Variants in GPR158 observed in about 807,000 individuals in gnomAD.
GPR158 encodes the protein G protein-coupled receptor 158.
A neutral mutation model predicts 78.2 loss-of-function variants in GPR158; 30 were observed. That is an observed-to-expected ratio of 0.38 (90% confidence interval 0.29 to 0.52). GPR158 has a LOEUF of 0.52. Ranked by LOEUF, GPR158 falls within the 20% of genes least tolerant of loss-of-function variation. GPR158 has a pLI of 0.83. For missense variants in GPR158, 1,463 were observed against 1,523.5 expected, an observed-to-expected ratio of 0.96 and a Z score of 0.66; for synonymous variants, 581 against 591.1, an observed-to-expected ratio of 0.98 and a Z score of 0.25.
At chr10:25,576,782 A>G (rs768562311) in intron 7 of GPR158, among the ~76,000 whole-genome samples, 1 of 152,148 alleles carries the variant, frequency 6.6e-6, no homozygotes, top group Non-Finnish European at 1.5e-5. Context: ...TAATACCCCT[A>G]AAGGTGTTAG....
chr10:25,258,744 A>G (rs973114625), intron 2 of GPR158, among the ~76,000 whole-genome samples: 11 of 152,136 alleles, frequency 7.2e-5, no homozygotes, highest in Admixed American at 5.2e-4. Flanking sequence ...ATAGTTAACT[A>G]TTGAACAATG....
intron 1 of GPR158, among the ~76,000 whole-genome samples, chr10:25,204,518 G>A (rs549439922): frequency 7.2e-5 from 11 of 152,212 alleles, no homozygotes; most frequent in Admixed American, 6.5e-4. Context: ...TAATTATGTG[G>A]TTTCTGTTTT....
chr10:25,588,083 A>G (rs768043387), intron 7 of GPR158, among the ~76,000 whole-genome samples: 11 of 152,232 alleles, frequency 7.2e-5, no homozygotes, highest in Non-Finnish European at 1.0e-4. Context: ...TAGTTTGGGG[A>G]AAAAAGTCAA....
intron 4 of GPR158, among the ~76,000 whole-genome samples, chr10:25,428,491 G>A (rs1391937151): frequency 6.6e-6 from 1 of 151,968 alleles, no homozygotes; most frequent in East Asian, 1.9e-4. Flanking sequence ...ACTCTTCTAA[G>A]GGGTCCAAGA....
In GPR158 at chr10:25,206,279, G is replaced by A. The variant is rs918883918; in HGVS notation, c.903-14773G>A. Among the ~76,000 whole-genome samples, 14 of 152,190 alleles carry A rather than the reference G, an allele frequency of 9.2e-5. No homozygotes were observed. The East Asian group carries it at 1.2e-3, about 13-fold the overall frequency. On this transcript the variant is annotated intron_variant, in intron 1 of 10. Transcript: ENST00000376351. ...TGGGATTACAGGCGTGAGCCACCGC[G>A]CCCGGCCCAGATATGGGTTCTTAAA...
chr10:25,388,100 T>C (rs1009425088), intron 2 of GPR158, among the ~76,000 whole-genome samples: 2 of 152,224 alleles, frequency 1.3e-5, no homozygotes, highest in African/African-American at 4.8e-5. Context: ...CTGGATTTGA[T>C]TGTGAGTTCT....
chr10:25,347,410 TTCTA>T (rs1348930196), intron 2 of GPR158, among the ~76,000 whole-genome samples: 1 of 152,014 alleles, frequency 6.6e-6, no homozygotes, highest in African/African-American at 2.4e-5. Flanking sequence ...CTTAATTCAG[TTCTA>T]TCTGTCAACT....
chr10:25,448,971 A>T (rs902126846), intron 4 of GPR158, among the ~76,000 whole-genome samples: 9 of 152,198 alleles, frequency 5.9e-5, no homozygotes, highest in African/African-American at 2.2e-4. Flanking sequence ...GGTGTTTAAA[A>T]TATTTAATAT....
intron 6 of GPR158, among the ~76,000 whole-genome samples, chr10:25,555,760 C>CTT (rs201666919): frequency 1.3e-5 from 2 of 150,740 alleles, no homozygotes; most frequent in African/African-American, 4.9e-5. Flanking sequence ...AAACAAAATA[C>CTT]TTTTTTTTTG....
intron 1 of GPR158, among the ~76,000 whole-genome samples, chr10:25,216,198 T>G (rs2765706): frequency 0.079 from 11,983 of 152,254 alleles, 706 homozygotes; most frequent in East Asian, 0.25. Context: ...TTGTCTATTG[T>G]TAGAAGTGAA....
intron 2 of GPR158, among the ~76,000 whole-genome samples, chr10:25,335,786 T>C (rs1855190637): frequency 6.6e-6 from 1 of 152,100 alleles, no homozygotes; most frequent in Non-Finnish European, 1.5e-5. Context: ...ATCCTTGATA[T>C]GCACCATATT....
intron 4 of GPR158, among the ~76,000 whole-genome samples, chr10:25,440,256 C>T: frequency 6.6e-6 from 1 of 152,182 alleles, no homozygotes; most frequent in East Asian, 1.9e-4. Flanking sequence ...GGGCCTGGGC[C>T]ACTGACTTCA....
At chr10:25,453,802 T>G (rs1380650592) in intron 4 of GPR158, among the ~76,000 whole-genome samples, 1 of 152,240 alleles carries the variant, frequency 6.6e-6, no homozygotes, top group Non-Finnish European at 1.5e-5. Context: ...CTGGTTTTTA[T>G]GCCAGTGCCA....
At chr10:25,374,426 A>C (rs752430307) in intron 2 of GPR158, among the ~76,000 whole-genome samples, 2 of 151,716 alleles carry the variant, frequency 1.3e-5, no homozygotes, top group African/African-American at 4.8e-5. Flanking sequence ...GATTTCATCA[A>C]TGTTATATGC....
chr10:25,182,127 A>C (rs1479901323), intron 1 of GPR158, among the ~76,000 whole-genome samples: 2 of 152,232 alleles, frequency 1.3e-5, no homozygotes, highest in Non-Finnish European at 2.9e-5. Flanking sequence ...TGACTTTATA[A>C]TGATCATTTA....
chr10:25,508,519 G>A (rs958124762), intron 5 of GPR158, among the ~76,000 whole-genome samples: 8 of 152,188 alleles, frequency 5.3e-5, no homozygotes, highest in Non-Finnish European at 1.2e-4. Flanking sequence ...GAACTAGAGG[G>A]TATAAAGGCA....
At chr10:25,263,413 A>T (rs1173860171) in intron 2 of GPR158, among the ~76,000 whole-genome samples, 1 of 152,180 alleles carries the variant, frequency 6.6e-6, no homozygotes, top group Non-Finnish European at 1.5e-5. Context: ...TGCCTTGATT[A>T]CTATAGCTTT....
chr10:25,265,992 G>C (rs1297304497), intron 2 of GPR158, among the ~76,000 whole-genome samples: 1 of 152,136 alleles, frequency 6.6e-6, no homozygotes, highest in Non-Finnish European at 1.5e-5. Context: ...TGCTGTGACT[G>C]CTGTGTTCCT....
At chr10:25,553,854 T>C (rs1836755414) in intron 6 of GPR158, among the ~76,000 whole-genome samples, 1 of 152,182 alleles carries the variant, frequency 6.6e-6, no homozygotes, top group Non-Finnish European at 1.5e-5. Context: ...AAAGAATAAA[T>C]TAACATCTGA....
Sources: gnomAD v4.1 joint callset for allele counts (sites outside exome capture counted in the v4.1 genomes callset) on GRCh38, gnomAD v4.1.1 for gene constraint, MANE v1.5 for transcripts, NCBI Gene and HGNC (gene_info 2026-07-23, HGNC 2026-07-21) for gene names.